Variants in NBAS observed in about 807,000 individuals in gnomAD.
The protein encoded by NBAS is NAG/BC035112 fusion.
In NBAS, 219 loss-of-function variants were observed where a neutral mutation model predicts 302.5. The ratio of observed to expected loss-of-function variants is 0.72; its 90% CI spans 0.65 to 0.81. The LOEUF is 0.81. NBAS is among the 30% of genes least tolerant of loss of function. The pLI, the probability that NBAS is intolerant of heterozygous loss-of-function variation, is 0.00. For missense variants in NBAS, 2,932 were observed against 2,841.6 expected (o/e 1.03, Z -0.72); for synonymous variants, 1,118 against 1,021.6 (o/e 1.09, Z -1.80).
At chr2:14,784,941 C>T in the NBAS span, among the ~76,000 whole-genome samples, 1 of 152,172 alleles carries the variant, frequency 6.6e-6, no homozygotes, top group Non-Finnish European at 1.5e-5. Context: ...CTGATTCTTC[C>T]TACCCATGAG....
intron 9 of NBAS, among the ~76,000 whole-genome samples, chr2:15,533,891 A>G (rs948383863): frequency 6.6e-6 from 1 of 152,200 alleles, no homozygotes; most frequent in Non-Finnish European, 1.5e-5. Flanking sequence ...TCAAAATTCA[A>G]AAACTCAAGT....
At chr2:14,835,366 C>T in the NBAS span, among the ~76,000 whole-genome samples, 1 of 151,896 alleles carries the variant, frequency 6.6e-6, no homozygotes, top group Admixed American at 6.6e-5. Flanking sequence ...AAATGTATGG[C>T]ATACTGAATT....
At chr2:14,815,011 C>A in the NBAS span, among the ~76,000 whole-genome samples, 1 of 152,108 alleles carries the variant, frequency 6.6e-6, no homozygotes, top group Non-Finnish European at 1.5e-5. Context: ...TTCCTGCCAC[C>A]ATGTGAAGAC....
chr2:14,941,473 T>G, the NBAS span, among the ~76,000 whole-genome samples: 1 of 152,230 alleles, frequency 6.6e-6, no homozygotes, highest in Non-Finnish European at 1.5e-5. Flanking sequence ...AAAGGAATCC[T>G]GGAAGCTTCA....
the NBAS span, among the ~76,000 whole-genome samples, chr2:15,042,128 A>G: frequency 1.3e-5 from 2 of 152,252 alleles, no homozygotes; most frequent in South Asian, 4.1e-4. Context: ...AACGGAGTCC[A>G]AATTGGTTTC....
rs77261115 is a variant in NBAS at position 15,410,837 on chromosome 2, T to C, written c.2937+4709A>G. 8.5e-3 allele frequency among the ~76,000 whole-genome samples: 1,289 copies of C among 152,300 alleles called. 19 individuals are homozygous for C. The highest frequency in any genetic ancestry group is 0.06 in the East Asian group (309 of 5,184). ...TGCTCCTTTCTTCTGGAAGTTTCCA[T>C]GGATTTCTAGCCAATATAGCAAAGG... On this transcript the variant is annotated intron_variant, in intron 25 of 51. Transcript: ENST00000281513.
chr2:15,309,943 T>A (rs956502865), intron 38 of NBAS, among the ~76,000 whole-genome samples: 1 of 152,248 alleles, frequency 6.6e-6, no homozygotes, highest in East Asian at 1.9e-4. Context: ...TCATTTAGCA[T>A]CTCAGTAGCA....
At chr2:14,989,285 G>A in the NBAS span, among the ~76,000 whole-genome samples, 1 of 91,838 alleles carries the variant, frequency 1.1e-5, no homozygotes, top group Admixed American at 1.3e-4. Context: ...TATAGTAGAT[G>A]TATGTGTATG....
chr2:15,471,749 C>T lies in NBAS; in HGVS notation c.1725+1473G>A, dbSNP rs1679964472. ...GGAGGCCCCATGATAGGATTGGTGT[C>T]CTCATAAGAGGAGGCAGTAGAGAGC... On this transcript the variant is annotated intron_variant, in intron 16 of 51. Transcript: ENST00000281513. Among the ~76,000 whole-genome samples the T allele has an allele frequency of 2.0e-5, 3 of 152,110 alleles. No individual in the cohort carries two copies. The South Asian group carries it at 6.2e-4, about 32-fold the overall frequency.
At chr2:15,026,175 GGC>G in the NBAS span, among the ~76,000 whole-genome samples, 74 of 80,448 alleles carry the variant, frequency 9.2e-4, 26 homozygotes, top group South Asian at 2.8e-3. Context: ...AGTCTTTTCT[GGC>G]CGGGCACGGT....
At chr2:15,350,278 CA>C (rs907523443) in intron 35 of NBAS, among the ~76,000 whole-genome samples, 14 of 145,872 alleles carry the variant, frequency 9.6e-5, no homozygotes, top group South Asian at 2.2e-4. Flanking sequence ...ATGGATACAG[CA>C]AAAAAAAAAG....
At chr2:14,792,670 G>A in the NBAS span, among the ~76,000 whole-genome samples, 14 of 149,114 alleles carry the variant, frequency 9.4e-5, no homozygotes, top group Middle Eastern at 3.4e-3. Context: ...ACTACCTATG[G>A]AAATTAAAAA....
chr2:15,041,543 G>A, the NBAS span, among the ~76,000 whole-genome samples: 1 of 152,368 alleles, frequency 6.6e-6, no homozygotes, highest in East Asian at 1.9e-4. Context: ...AACAAACCAG[G>A]CCAAATGCCT....
chr2:15,554,714 T>G (rs1346022239), intron 3 of NBAS, among the ~76,000 whole-genome samples: 1 of 150,446 alleles, frequency 6.6e-6, no homozygotes, highest in African/African-American at 2.5e-5. Context: ...ACCAGGTCAT[T>G]GAAAGAACTA....
chr2:15,505,621 A>C (rs1019137374), intron 10 of NBAS, among the ~76,000 whole-genome samples: 1 of 152,250 alleles, frequency 6.6e-6, no homozygotes, highest in Non-Finnish European at 1.5e-5. Context: ...TACTGACAAA[A>C]GAAGGCACCG....
chr2:14,780,440 A>C, the NBAS span, among the ~76,000 whole-genome samples: 1 of 152,230 alleles, frequency 6.6e-6, no homozygotes. Flanking sequence ...TCCCTTCTAA[A>C]TTAGGCCTTC....
rs541959640 is a variant in NBAS at position 15,375,883 on chromosome 2, C to T, written c.3591-1163G>A. On this transcript the variant is annotated intron_variant, in intron 30 of 51. Coordinates refer to ENST00000281513, the MANE Select transcript of NBAS (RefSeq NM_015909.4). ...GGAATAAAATAGAACTGTCTGTACT[C>T]ACATGAAAAAACCTTCAATATAGAA... Among the ~76,000 whole-genome samples the T allele has an allele frequency of 2.6e-5, 4 of 151,088 alleles. No homozygotes were observed. In the East Asian group the frequency reaches 7.8e-4, roughly 29 times the overall value.
At chr2:14,989,832 T>C in the NBAS span, among the ~76,000 whole-genome samples, 1,159 of 152,194 alleles carry the variant, frequency 7.6e-3, 13 homozygotes, top group African/African-American at 0.026. Context: ...CTTAGAACAG[T>C]ATTACATGGC....
At chr2:14,903,617 A>G in the NBAS span, among the ~76,000 whole-genome samples, 7 of 152,358 alleles carry the variant, frequency 4.6e-5, no homozygotes, top group Admixed American at 4.6e-4. Context: ...CAGTATCACT[A>G]TCCCCAGAAC....
Sources: allele counts gnomAD v4.1 joint callset (sites outside exome capture counted in the v4.1 genomes callset), GRCh38; gene constraint gnomAD v4.1.1; transcripts MANE v1.5; gene names NCBI Gene and HGNC (gene_info 2026-07-23, HGNC 2026-07-21).